Variants in RANBP2 observed in about 807,000 individuals in gnomAD.
The protein encoded by RANBP2 is E3 SUMO-protein ligase RanBP2.
In RANBP2, 57 loss-of-function variants were observed where a neutral mutation model predicts 303.6. The ratio of observed to expected loss-of-function variants is 0.19; its 90% CI spans 0.15 to 0.23. The LOEUF (loss-of-function observed/expected upper bound fraction) is 0.23, where lower values mean the gene tolerates loss of function less well. Among genes scored for constraint, RANBP2 ranks in the 10% least tolerant of loss-of-function variants. The pLI, the probability that RANBP2 is intolerant of heterozygous loss-of-function variation, is 1.00. For missense variants in RANBP2, 3,138 were observed against 3,780.8 expected (o/e 0.83, Z 4.46); for synonymous variants, 1,167 against 1,301.5 (o/e 0.90, Z 2.23).
At chr2:109,123,519 G>A in the RANBP2 span, among the ~76,000 whole-genome samples, 1 of 152,266 alleles carries the variant, frequency 6.6e-6, no homozygotes, top group African/African-American at 2.4e-5. Context: ...ATTCAAGTCT[G>A]TATTTTTAGC....
chr2:109,663,130 T>A, the RANBP2 span, among the ~76,000 whole-genome samples: 1 of 152,192 alleles, frequency 6.6e-6, no homozygotes, highest in Non-Finnish European at 1.5e-5. Context: ...CTGAAGGTAC[T>A]TTGTGCTACT....
At chr2:109,071,545 G>T in the RANBP2 span, among the ~76,000 whole-genome samples, 5 of 152,050 alleles carry the variant, frequency 3.3e-5, no homozygotes, top group African/African-American at 9.7e-5. Flanking sequence ...GTGGTGGTGT[G>T]CACCTGTAAT....
chr2:108,875,337 G>C, the RANBP2 span, among the ~76,000 whole-genome samples: 92,934 of 132,792 alleles, frequency 0.7, 33,498 homozygotes, highest in Non-Finnish European at 0.82. Context: ...AAAAAAAAAA[G>C]AAACAAATTC....
the RANBP2 span, among the ~76,000 whole-genome samples, chr2:109,481,194 G>A: frequency 5.9e-5 from 9 of 152,180 alleles, no homozygotes; most frequent in East Asian, 1.9e-4. Context: ...GGGGGAGGCC[G>A]GGGCCCTGCA....
the RANBP2 span, among the ~76,000 whole-genome samples, chr2:109,250,248 G>A: frequency 6.6e-6 from 1 of 152,074 alleles, no homozygotes; most frequent in Non-Finnish European, 1.5e-5. Context: ...ACCAAGTTAC[G>A]AGAATGTTTA....
the RANBP2 span, chr2:109,593,012 T>G: frequency 2.2e-6 from 3 of 1,351,282 alleles, no homozygotes; most frequent in Non-Finnish European, 3.0e-6. Context: ...TAGAAGCATT[T>G]AGAGTACAAT....
At chr2:109,256,252 G>A in the RANBP2 span, among the ~76,000 whole-genome samples, 6 of 152,340 alleles carry the variant, frequency 3.9e-5, no homozygotes, top group Admixed American at 1.3e-4. Context: ...TGGACAGGTC[G>A]CGCATTGTTT....
At chr2:109,411,527 C>T in the RANBP2 span, among the ~76,000 whole-genome samples, 1 of 152,208 alleles carries the variant, frequency 6.6e-6, no homozygotes. Flanking sequence ...GCATCCGTAG[C>T]AACAGAGACC....
the RANBP2 span, among the ~76,000 whole-genome samples, chr2:109,701,240 C>T: frequency 1.3e-5 from 2 of 152,314 alleles, no homozygotes; most frequent in South Asian, 4.1e-4. Context: ...ACATTATTTT[C>T]TCTCATAGGG....
the RANBP2 span, among the ~76,000 whole-genome samples, chr2:109,165,836 G>A: frequency 6.6e-6 from 1 of 152,164 alleles, no homozygotes; most frequent in African/African-American, 2.4e-5. Flanking sequence ...GTGCATCTGT[G>A]ACTCACCCTA....
the RANBP2 span, among the ~76,000 whole-genome samples, chr2:108,823,344 T>C: frequency 6.6e-6 from 1 of 152,168 alleles, no homozygotes; most frequent in Non-Finnish European, 1.5e-5. Context: ...TAAAAAACTA[T>C]TGACTAATAC....
the RANBP2 span, among the ~76,000 whole-genome samples, chr2:109,497,235 A>G: frequency 6.6e-6 from 1 of 152,234 alleles, no homozygotes; most frequent in African/African-American, 2.4e-5. Context: ...CTTATCCCCA[A>G]GTTCCTAGCA....
chr2:108,812,149 A>G, the RANBP2 span, among the ~76,000 whole-genome samples: 1 of 152,276 alleles, frequency 6.6e-6, no homozygotes, highest in East Asian at 1.9e-4. Flanking sequence ...AATTGAAGAT[A>G]TGTTCATGGA....
At chr2:109,563,359 C>T in the RANBP2 span, among the ~76,000 whole-genome samples, 11 of 152,312 alleles carry the variant, frequency 7.2e-5, no homozygotes, top group Non-Finnish European at 1.2e-4. Context: ...ATTTGATGCA[C>T]TCCTCCCCCT....
chr2:109,497,764 T>C, the RANBP2 span, among the ~76,000 whole-genome samples: 1 of 152,260 alleles, frequency 6.6e-6, no homozygotes, highest in Non-Finnish European at 1.5e-5. Context: ...CATTAAATCA[T>C]TGAATTGCTC....
chr2:108,758,366 A>G (rs780217524), intron 17 of RANBP2, 47 bp from the exon 18 acceptor site: 5 of 1,609,572 alleles, frequency 3.1e-6, no homozygotes, highest in African/African-American at 1.3e-5. Context: ...TTCTGTCATG[A>G]TATAATTAAA....
the RANBP2 span, among the ~76,000 whole-genome samples, chr2:109,006,735 A>G: frequency 6.6e-6 from 1 of 152,168 alleles, no homozygotes; most frequent in Non-Finnish European, 1.5e-5. Context: ...GAGGCCCAAC[A>G]GCCCTGGCTG....
the RANBP2 span, among the ~76,000 whole-genome samples, chr2:109,598,725 C>G: frequency 2.0e-5 from 3 of 151,722 alleles, no homozygotes; most frequent in Non-Finnish European, 4.4e-5. Flanking sequence ...TGCCTGTAAT[C>G]CCAGCTACTC....
chr2:109,537,817 C>G, the RANBP2 span, among the ~76,000 whole-genome samples: 1 of 152,020 alleles, frequency 6.6e-6, no homozygotes, highest in Non-Finnish European at 1.5e-5. Context: ...AGGTGTGGAT[C>G]TCCACCTGGG....
Sources: allele counts gnomAD v4.1 joint callset (sites outside exome capture counted in the v4.1 genomes callset), GRCh38; gene constraint gnomAD v4.1.1; transcripts MANE v1.5; gene names NCBI Gene and HGNC (gene_info 2026-07-23, HGNC 2026-07-21).